The following ARMH4 variants were observed in gnomAD, a reference collection of about 807,000 sequenced individuals.
ARMH4 encodes the protein armadillo-like helical domain-containing protein 4.
ARMH4 carries 49 observed loss-of-function variants against 61.9 expected under a neutral mutation model. The observed-to-expected ratio is 0.79, with a 90% confidence interval of 0.63 to 1.00. The LOEUF is 1.00. Ranked by LOEUF, ARMH4 falls within the 50% of genes least tolerant of loss-of-function variation. The probability of loss-of-function intolerance (pLI) is 0.00; values close to 1 mark genes in which losing one functional copy is unlikely to be tolerated. For synonymous variants in ARMH4, 368 were observed against 341.5 expected (o/e 1.08, Z -0.85); for missense variants, 934 against 930.0 (o/e 1.00, Z -0.06).
intron 5 of ARMH4, among the ~76,000 whole-genome samples, chr14:58,090,498 G>T (rs947942795): frequency 6.6e-6 from 1 of 152,058 alleles, no homozygotes; most frequent in Non-Finnish European, 1.5e-5. Flanking sequence ...CAATTGTTCA[G>T]AAATGGGCAT....
At chr14:58,134,753 G>A (rs987802559) in intron 2 of ARMH4, among the ~76,000 whole-genome samples, 4 of 151,808 alleles carry the variant, frequency 2.6e-5, no homozygotes, top group African/African-American at 7.3e-5. Flanking sequence ...TCAGGAGTTC[G>A]AGACCAGCCT....
chr14:58,027,217 T>G (rs1883051747), intron 5 of ARMH4, among the ~76,000 whole-genome samples: 2 of 152,226 alleles, frequency 1.3e-5, no homozygotes, highest in Admixed American at 6.5e-5. Flanking sequence ...GATAAATAAG[T>G]TCTGGAGATC....
intron 4 of ARMH4, among the ~76,000 whole-genome samples, chr14:58,116,842 C>T (rs1886545988): frequency 6.6e-6 from 1 of 152,182 alleles, no homozygotes; most frequent in Non-Finnish European, 1.5e-5. Context: ...AACTCCTTTT[C>T]AGCCATGAGC....
intron 4 of ARMH4, among the ~76,000 whole-genome samples, chr14:58,108,282 T>G (rs1886233424): frequency 6.6e-6 from 1 of 152,234 alleles, no homozygotes; most frequent in Admixed American, 6.5e-5. Context: ...GAAATATTCC[T>G]GCCAAGTGCT....
chr14:58,093,456 C>A (rs1457477655), intron 5 of ARMH4, among the ~76,000 whole-genome samples: 1 of 152,130 alleles, frequency 6.6e-6, no homozygotes, highest in East Asian at 1.9e-4. Flanking sequence ...CCTCTTAAAG[C>A]ACTGGGATTA....
intron 5 of ARMH4, among the ~76,000 whole-genome samples, chr14:58,087,342 G>C (rs1385992446): frequency 1.3e-5 from 2 of 152,110 alleles, no homozygotes; most frequent in Non-Finnish European, 2.9e-5. Flanking sequence ...TAACAACCAA[G>C]GTTAATTTTT....
At position 58,001,164 on chromosome 14, in the gene ARMH4, C is replaced by T. The variant is rs1881971438; in HGVS notation, c.*3572G>A. 6.6e-6 allele frequency: 1 copy of T among 152,116 alleles called. No individual in the cohort carries two copies. Among genetic ancestry groups the T allele is most frequent in the Non-Finnish European group, 1.5e-5 (1 of 68,020 alleles). 9.4% of individuals were successfully genotyped at this position (152,116 alleles called of 1,614,324 possible). A position where few individuals can be genotyped will look rare whatever the true frequency, so the allele number is the denominator to read the frequency against. On this transcript the variant is annotated 3_prime_UTR_variant, in exon 8 of 8. Coordinates refer to ENST00000267485, the MANE Select transcript of ARMH4 (RefSeq NM_001001872.4). ...TAGCATAATGTTCTCCATGTATATC[C>T]ATATTGTCACAATGACAGAATTTCC...
At position 58,131,578 on chromosome 14, in the gene ARMH4, C is replaced by A; in HGVS notation, c.1765G>T (p.Val589Phe). The A allele has an allele frequency of 6.2e-7, 1 of 1,614,250 alleles. No individual in the cohort carries two copies. The highest frequency in any genetic ancestry group is 2.2e-5 in the East Asian group (1 of 44,882). ...TTAACACGAGTAATAGATGGAACAA[C>A]AGTTCTTCTCTCAGAGGATGCCTCC... ...ALEASSERRT[V>F]VPSITRVNTA... is the part of the protein sequence containing the mutation. The change falls in exon 4 of 8, where the codon GTT (valine) becomes TTT (phenylalanine). Residue 589 changes from valine to phenylalanine, a missense_variant. Physicochemically the swap from Val to Phe is conservative, Grantham distance 50. Transcript: ENST00000267485.
intron 4 of ARMH4, among the ~76,000 whole-genome samples, chr14:58,097,253 A>C (rs948255414): frequency 2.0e-5 from 3 of 152,220 alleles, no homozygotes; most frequent in African/African-American, 7.2e-5. Flanking sequence ...ATTTGTTATT[A>C]AAGTTATTTA....
intron 4 of ARMH4, among the ~76,000 whole-genome samples, chr14:58,103,611 T>C (rs1162479068): frequency 6.6e-6 from 1 of 151,208 alleles, no homozygotes; most frequent in Admixed American, 6.6e-5. Context: ...TTTTTTTGGA[T>C]GTAGTCTTGC....
intron 5 of ARMH4, among the ~76,000 whole-genome samples, chr14:58,057,366 C>T (rs1884378798): frequency 6.6e-6 from 1 of 152,158 alleles, no homozygotes; most frequent in Non-Finnish European, 1.5e-5. Flanking sequence ...TTTACATATG[C>T]ATTAAATTAT....
intron 5 of ARMH4, among the ~76,000 whole-genome samples, chr14:58,077,256 G>A (rs921182113): frequency 6.6e-6 from 1 of 152,162 alleles, no homozygotes; most frequent in Non-Finnish European, 1.5e-5. Context: ...TTTAAAGATG[G>A]TAAAGAGTGA....
intron 4 of ARMH4, among the ~76,000 whole-genome samples, chr14:58,130,726 C>G (rs1156828828): frequency 6.6e-6 from 1 of 152,136 alleles, no homozygotes; most frequent in African/African-American, 2.4e-5. Context: ...AAAGAGACTG[C>G]CTATCTCCAA....
chr14:58,040,293 T>C (rs1485476546), intron 5 of ARMH4, among the ~76,000 whole-genome samples: 1 of 152,132 alleles, frequency 6.6e-6, no homozygotes, highest in Non-Finnish European at 1.5e-5. Flanking sequence ...TCGTTGTTTG[T>C]TCTAAACCTC....
rs987708880 is a variant in ARMH4, at chr14:58,152,110, G to T, written c.-92C>A. On this transcript the variant is annotated 5_prime_UTR_variant, in exon 1 of 8. The change creates a new upstream start codon in the 5' untranslated region. Transcript: ENST00000267485. ...TCAGCTGAGCAGCGCGCGGAGGACAGAGGCAGCGGCGGCGCGGGCGCTCGG... is the reference window on the plus strand; with the variant it reads ...TCAGCTGAGCAGCGCGCGGAGGACATAGGCAGCGGCGGCGCGGGCGCTCGG... 13 of 158,758 alleles carry T rather than the reference G, an allele frequency of 8.2e-5. 1 individual carries two copies. Among genetic ancestry groups the T allele is most frequent in the Admixed American group, 7.2e-4 (11 of 15,332 alleles). 9.8% of individuals were successfully genotyped at this position (158,758 alleles called of 1,614,324 possible).
intron 5 of ARMH4, among the ~76,000 whole-genome samples, chr14:58,058,954 G>C (rs1445959048): frequency 1.3e-5 from 2 of 152,166 alleles, no homozygotes; most frequent in Admixed American, 1.3e-4. Flanking sequence ...AACTAAAGAA[G>C]TAAGCACTGG....
intron 2 of ARMH4, among the ~76,000 whole-genome samples, chr14:58,136,574 C>A (rs1458478759): frequency 1.3e-5 from 2 of 152,112 alleles, no homozygotes; most frequent in East Asian, 3.8e-4. Flanking sequence ...ATCAAGTGAT[C>A]TTTCACCATT....
At position 58,138,954 on chromosome 14, in the gene ARMH4, A is replaced by G; in HGVS notation, c.405T>C (p.Ser135=). The G allele has an allele frequency of 6.2e-7, 1 of 1,614,202 alleles. No homozygotes were observed. The highest frequency in any genetic ancestry group is 8.5e-7 in the Non-Finnish European group (1 of 1,180,040). The part of the protein sequence containing the change: ...VFGSSQPERI[S]PESGLAKAML... ...TGGCCTTGGCAAGTCCACTTTCAGG[A>G]GATATTCTCTCTGGCTGGCTGGAAC... is the stretch of plus-strand genomic sequence containing the variant. Residue 135 remains serine, a synonymous_variant, in exon 2 of 8, where the codon TCT becomes TCC. Coordinates refer to ENST00000267485, the MANE Select transcript of ARMH4 (RefSeq NM_001001872.4).
At chr14:58,141,780 A>G in intron 1 of ARMH4, 1 of 174,978 alleles carries the variant, frequency 5.7e-6, no homozygotes, top group Non-Finnish European at 1.2e-5. Flanking sequence ...GAAAATATGT[A>G]TTTTAAATGC....
Sources: gnomAD v4.1 joint callset for allele counts (sites outside exome capture counted in the v4.1 genomes callset) on GRCh38, gnomAD v4.1.1 for gene constraint, MANE v1.5 for transcripts, NCBI Gene and HGNC (gene_info 2026-07-23, HGNC 2026-07-21) for gene names.